Variants in LRRC7 observed in about 807,000 individuals in gnomAD.
The protein encoded by LRRC7 is leucine-rich repeat-containing protein 7.
A neutral mutation model predicts 175.7 loss-of-function variants in LRRC7; 23 were observed. That is an observed-to-expected ratio of 0.13 (90% confidence interval 0.09 to 0.19). The LOEUF (loss-of-function observed/expected upper bound fraction) is 0.19, where lower values mean the gene tolerates loss of function less well. Among genes scored for constraint, LRRC7 ranks in the 10% least tolerant of loss-of-function variants. The pLI is 1.00. For synonymous variants in LRRC7, 685 were observed against 680.9 expected (o/e 1.01, Z -0.09); for missense variants, 1,354 against 1,904.7 (o/e 0.71, Z 5.38).
chr1:69,886,815 G>A (rs1162606790), intron 7 of LRRC7, among the ~76,000 whole-genome samples: 4 of 150,078 alleles, frequency 2.7e-5, no homozygotes, highest in African/African-American at 2.5e-5. Flanking sequence ...CAGGCCTGGT[G>A]GTGACAAAAT....
At chr1:69,876,398 A>G (rs1686046219) in intron 7 of LRRC7, among the ~76,000 whole-genome samples, 1 of 152,146 alleles carries the variant, frequency 6.6e-6, no homozygotes, top group Admixed American at 6.6e-5. Flanking sequence ...CTAGCAATCA[A>G]TATAAGTTAA....
rs60974303 is a variant in LRRC7 at position 69,889,838 on chromosome 1, AGAGGAG to A, written c.648-41648_648-41643del. 3.6e-4 allele frequency among the ~76,000 whole-genome samples: 55 copies of A among 151,086 alleles called. No individual in the cohort carries two copies. In the South Asian group the frequency reaches 5.2e-3, roughly 14 times the overall value. Reference sequence around the variant, plus strand: ...AGTAAGGAGATAGAGAAGAAGAAGGAGAGGAGGAGGAGGAGGAGGAGGAGGAAAGAA... The same window carrying A: ...AGTAAGGAGATAGAGAAGAAGAAGGAGAGGAGGAGGAGGAGGAGGAAAGAA... On this transcript the variant is annotated intron_variant, in intron 7 of 26. Coordinates refer to ENST00000651989, the MANE Select transcript of LRRC7 (RefSeq NM_001370785.2).
At chr1:70,068,893 A>T (rs886110153) in intron 23 of LRRC7, among the ~76,000 whole-genome samples, 7 of 152,014 alleles carry the variant, frequency 4.6e-5, no homozygotes, top group Admixed American at 3.3e-4. Context: ...ATTTTATTTT[A>T]AAATTTTAGA....
At chr1:69,838,533 C>T (rs937847719) in intron 7 of LRRC7, among the ~76,000 whole-genome samples, 2 of 151,802 alleles carry the variant, frequency 1.3e-5, no homozygotes, top group African/African-American at 4.8e-5. Flanking sequence ...GCTGAAGATA[C>T]ATGCCAGAAA....
intron 1 of LRRC7, among the ~76,000 whole-genome samples, chr1:69,604,963 A>C (rs137930421): frequency 7.9e-5 from 12 of 152,314 alleles, no homozygotes; most frequent in African/African-American, 2.9e-4. Context: ...TAGTTTTAAC[A>C]TGTGATACCC....
At chr1:69,678,277 T>C in intron 1 of LRRC7, 104 bp from the exon 2 acceptor site, 2 of 777,074 alleles carry the variant, frequency 2.6e-6, no homozygotes, top group East Asian at 5.4e-5. Flanking sequence ...TTCATGGTGT[T>C]GTCTAGCAAA....
chr1:69,992,465 T>C (rs746567396), intron 10 of LRRC7, among the ~76,000 whole-genome samples: 1 of 151,624 alleles, frequency 6.6e-6, no homozygotes, highest in Non-Finnish European at 1.5e-5. Context: ...GAGAAAAGAG[T>C]CTAAGCACAT....
intron 23 of LRRC7, among the ~76,000 whole-genome samples, chr1:70,053,850 A>T (rs633346): frequency 0.61 from 93,435 of 151,928 alleles, 29,073 homozygotes; most frequent in Middle Eastern, 0.67. Flanking sequence ...AACTGGTAAA[A>T]TACAAGGGGA....
chr1:69,652,097 G>A (rs531680865), intron 1 of LRRC7, among the ~76,000 whole-genome samples: 1 of 152,290 alleles, frequency 6.6e-6, no homozygotes, highest in Admixed American at 6.5e-5. Context: ...CTGATTAGAA[G>A]CCAGAATACT....
intron 2 of LRRC7, among the ~76,000 whole-genome samples, chr1:69,696,796 T>C (rs1482111983): frequency 2.6e-5 from 4 of 152,176 alleles, no homozygotes; most frequent in African/African-American, 9.7e-5. Context: ...GATATGCTAG[T>C]TCTCATGTTG....
rs1032486234 is a variant in LRRC7 at position 70,122,896 on chromosome 1, A to G, written c.*1009A>G. The G allele has an allele frequency of 1.3e-5, 2 of 152,548 alleles. No individual in the cohort carries two copies. The highest frequency in any genetic ancestry group is 2.9e-5 in the Non-Finnish European group (2 of 67,946). 9.4% of individuals were successfully genotyped at this position (152,548 alleles called of 1,614,324 possible). A position where few individuals can be genotyped will look rare whatever the true frequency, so the allele number is the denominator to read the frequency against. ...TTGATAAAATTTATCATTACGAAAG[A>G]CTGCTGTTAGAAAGTTATGGTAGGT... On this transcript the variant is annotated 3_prime_UTR_variant, in exon 27 of 27. Coordinates refer to ENST00000651989, the MANE Select transcript of LRRC7 (RefSeq NM_001370785.2).
intron 2 of LRRC7, among the ~76,000 whole-genome samples, chr1:69,743,545 A>G (rs537462229): frequency 1.3e-5 from 2 of 152,126 alleles, no homozygotes; most frequent in East Asian, 1.9e-4. Flanking sequence ...ACAACGTCCA[A>G]CATTCCAGCA....
At chr1:70,097,740 C>A (rs911971425) in intron 25 of LRRC7, among the ~76,000 whole-genome samples, 1 of 151,844 alleles carries the variant, frequency 6.6e-6, no homozygotes, top group Non-Finnish European at 1.5e-5. Context: ...TGCTATTTTA[C>A]TAAGAATTAT....
In LRRC7 at chr1:70,128,087, G is replaced by A. The variant is rs1267658811; in HGVS notation, c.*6200G>A. 1.3e-5 allele frequency among the ~76,000 whole-genome samples: 2 copies of A among 152,118 alleles called. No homozygotes were observed. Among genetic ancestry groups the A allele is most frequent in the African/African-American group, 4.8e-5 (2 of 41,502 alleles). Reference sequence around the variant, plus strand: ...GGCAATTCTCATGTCTCAGCCTCCTGAGTAGCTGGGATTACAGGTGCGTGC... The same window carrying A: ...GGCAATTCTCATGTCTCAGCCTCCTAAGTAGCTGGGATTACAGGTGCGTGC... On this transcript the variant is annotated 3_prime_UTR_variant, in exon 27 of 27. Coordinates refer to ENST00000651989, the MANE Select transcript of LRRC7 (RefSeq NM_001370785.2).
intron 1 of LRRC7, among the ~76,000 whole-genome samples, chr1:69,585,713 AGT>A (rs1646377513): frequency 6.6e-6 from 1 of 152,232 alleles, no homozygotes. Flanking sequence ...GAGCTATCAC[AGT>A]AAACATTTCT....
intron 2 of LRRC7, among the ~76,000 whole-genome samples, chr1:69,680,440 C>T (rs1660335450): frequency 6.6e-6 from 1 of 152,082 alleles, no homozygotes; most frequent in South Asian, 2.1e-4. Context: ...ATAACCGTCA[C>T]TTGTGTTATA....
chr1:69,660,977 A>G (rs1435720637), intron 1 of LRRC7, among the ~76,000 whole-genome samples: 6 of 152,056 alleles, frequency 3.9e-5, no homozygotes, highest in Non-Finnish European at 7.4e-5. Context: ...TTACATTAAT[A>G]TAAATAACTT....
At chr1:69,858,848 C>T (rs1243711132) in intron 7 of LRRC7, among the ~76,000 whole-genome samples, 2 of 152,080 alleles carry the variant, frequency 1.3e-5, no homozygotes, top group South Asian at 2.1e-4. Context: ...TTTTATTTAT[C>T]TTGGTAACCT....
chr1:70,120,228 C>G (rs143038291), intron 26 of LRRC7, among the ~76,000 whole-genome samples: 128 of 152,194 alleles, frequency 8.4e-4, no homozygotes, highest in African/African-American at 3.0e-3. Context: ...TACTCAACTA[C>G]TGTTTCCTGA....
Sources: allele counts gnomAD v4.1 joint callset (sites outside exome capture counted in the v4.1 genomes callset), GRCh38; gene constraint gnomAD v4.1.1; transcripts MANE v1.5; gene names NCBI Gene and HGNC (gene_info 2026-07-23, HGNC 2026-07-21).